The following SHROOM2 variants were observed in gnomAD, a reference collection of about 807,000 sequenced individuals.
SHROOM2 encodes shroom family member 2.
In SHROOM2, 33 loss-of-function variants were observed where a neutral mutation model predicts 75.9. The ratio of observed to expected loss-of-function variants is 0.43; its 90% CI spans 0.33 to 0.58. The LOEUF is 0.58. SHROOM2 is among the 20% of genes least tolerant of loss of function. The probability of loss-of-function intolerance (pLI) is 0.04; values close to 1 mark genes in which losing one functional copy is unlikely to be tolerated. For synonymous variants in SHROOM2, 655 were observed against 663.6 expected (o/e 0.99, Z 0.20); for missense variants, 1,434 against 1,461.2 (o/e 0.98, Z 0.30).
rs193017551 is a variant in SHROOM2, at chrX:9,918,676, G to A, written c.2892-13499G>A. Among the ~76,000 whole-genome samples, 44 of 110,538 alleles carry A rather than the reference G, an allele frequency of 4.0e-4. No individual in the cohort carries two copies. The East Asian group carries it at 0.012, about 30-fold the overall frequency. ...GGCTAATTTTGTTTGTTTTTGTAGA[G>A]ATGGAGTCTCATTATGTTGGCCAGG... is the stretch of plus-strand genomic sequence containing the variant. On this transcript the variant is annotated intron_variant, in intron 5 of 9. Coordinates refer to ENST00000380913, the MANE Select transcript of SHROOM2 (RefSeq NM_001649.4).
chrX:9,834,866 T>C (rs1236041611), intron 1 of SHROOM2, among the ~76,000 whole-genome samples: 2 of 111,168 alleles, frequency 1.8e-5, no homozygotes, highest in African/African-American at 6.5e-5. Context: ...CTGCAGGATC[T>C]GATTACTGGT....
At chrX:9,941,977 A>C (rs1396209845) in intron 8 of SHROOM2, among the ~76,000 whole-genome samples, 18 of 51,589 alleles carry the variant, frequency 3.5e-4, no homozygotes, top group Non-Finnish European at 4.9e-4. Flanking sequence ...GTCTCAAAAA[A>C]AAAAAAAAAA....
At chrX:9,908,442 A>C (rs749049088) in intron 5 of SHROOM2, among the ~76,000 whole-genome samples, 1 of 112,017 alleles carries the variant, frequency 8.9e-6, no homozygotes, top group East Asian at 2.8e-4. Context: ...GTTTTGTGTC[A>C]ATTAAAAGCA....
At chrX:9,798,135 G>GA (rs1307348209) in intron 1 of SHROOM2, among the ~76,000 whole-genome samples, 3 of 110,902 alleles carry the variant, frequency 2.7e-5, no homozygotes, top group Non-Finnish European at 5.7e-5. Context: ...GCTGAGGAAA[G>GA]ACCTTGTCTG....
intron 5 of SHROOM2, among the ~76,000 whole-genome samples, chrX:9,917,528 T>TGTC (rs760796370): frequency 9.1e-6 from 1 of 110,080 alleles, no homozygotes; most frequent in East Asian, 2.8e-4. Flanking sequence ...TTGTTGTTGT[T>TGTC]GTTGTTTTTT....
At chrX:9,907,249 C>T (rs190422072) in intron 5 of SHROOM2, among the ~76,000 whole-genome samples, 1 of 111,415 alleles carries the variant, frequency 9.0e-6, no homozygotes, top group East Asian at 2.8e-4. Flanking sequence ...TCAGCCCTGC[C>T]TCCTGTTTAC....
chrX:9,881,836 A>T (rs1229379544), intron 2 of SHROOM2, among the ~76,000 whole-genome samples: 5 of 111,672 alleles, frequency 4.5e-5, no homozygotes, highest in Non-Finnish European at 9.4e-5. Context: ...CTTTCCCTAA[A>T]CCTCGTATCT....
intron 1 of SHROOM2, among the ~76,000 whole-genome samples, chrX:9,805,256 T>C (rs1411992645): frequency 1.8e-5 from 2 of 110,812 alleles, no homozygotes; most frequent in African/African-American, 6.6e-5. Context: ...AAATAAAAAA[T>C]AAAAAAATAA....
chrX:9,800,427 G>A (rs758052236), intron 1 of SHROOM2, among the ~76,000 whole-genome samples: 2 of 110,506 alleles, frequency 1.8e-5, no homozygotes, highest in Admixed American at 9.7e-5. Context: ...TGCAACCTCC[G>A]CTTCCCAGGT....
Position 9,932,547 on chromosome X carries a change from C to T in SHROOM2, c.3264C>T (p.Gly1088=), listed in dbSNP as rs753929712. ...TDGAPADAPV[G]VLGRPFPTPS... ...GCGCACCTGCTGACGCCCCCGTGGGCGTCCTCGGCAGGCCCTTCCCAACGC... is the reference window on the plus strand; with the variant it reads ...GCGCACCTGCTGACGCCCCCGTGGGTGTCCTCGGCAGGCCCTTCCCAACGC... The change falls in exon 6 of 10, where the codon GGC becomes GGT. Residue 1088 remains glycine, a synonymous_variant. Coordinates refer to ENST00000380913, the MANE Select transcript of SHROOM2 (RefSeq NM_001649.4). The T allele has an allele frequency of 7.4e-6, 9 of 1,211,361 alleles. No individual in the cohort carries two copies. Among genetic ancestry groups the T allele is most frequent in the Non-Finnish European group, 8.9e-6 (8 of 895,291 alleles).
At chrX:9,921,189 C>T (rs1268202984) in intron 5 of SHROOM2, among the ~76,000 whole-genome samples, 1 of 111,655 alleles carries the variant, frequency 9.0e-6, no homozygotes, top group Non-Finnish European at 1.9e-5. Context: ...TGTTGGCTTC[C>T]CCGCTGTGAG....
intron 5 of SHROOM2, among the ~76,000 whole-genome samples, chrX:9,909,738 G>A (rs1464183308): frequency 8.9e-6 from 1 of 112,233 alleles, no homozygotes; most frequent in Non-Finnish European, 1.9e-5. Flanking sequence ...AACTATTAAG[G>A]TCATCAAAAA....
At chrX:9,898,438 G>A (rs1363463059) in intron 5 of SHROOM2, 148 bp downstream of exon 5, 2 of 475,056 alleles carry the variant, frequency 4.2e-6, no homozygotes, top group African/African-American at 4.9e-5. Context: ...TAGCATCCCT[G>A]ACGTACTGGA....
rs149000944 is a variant in SHROOM2 at position 9,932,195 on chromosome X, G to A, written c.2912G>A (p.Arg971Gln). The change falls in exon 6 of 10, where the codon CGG becomes CAG. Residue 971 changes from arginine (R) to glutamine (Q), a missense_variant. Physicochemically the swap from Arg to Gln is conservative, Grantham distance 43 (BLOSUM62 1). Coordinates refer to ENST00000380913, the MANE Select transcript of SHROOM2 (RefSeq NM_001649.4). ...TCTAGACAAGCAGATGCCCAGTGTCGGGAAGGCAGCCCAGGATCACAGCAG... is the reference window on the plus strand; with the variant it reads ...TCTAGACAAGCAGATGCCCAGTGTCAGGAAGGCAGCCCAGGATCACAGCAG... ...STPRQADAQC[R>Q]EGSPGSQQHP... 2.3e-5 allele frequency: 26 copies of A among 1,131,041 alleles called. No homozygotes were observed. Among genetic ancestry groups the A allele is most frequent in the East Asian group, 1.6e-4 (5 of 32,195 alleles). 93.2% of individuals were successfully genotyped at this position (1,131,041 alleles called of 1,213,427 possible).
chrX:9,851,256 G>T (rs2084037820), intron 1 of SHROOM2, among the ~76,000 whole-genome samples: 1 of 110,867 alleles, frequency 9.0e-6, no homozygotes, highest in African/African-American at 3.3e-5. Context: ...CAGTCCTCCT[G>T]CCTTGGCTTC....
intron 1 of SHROOM2, among the ~76,000 whole-genome samples, chrX:9,821,607 T>C (rs1376181401): frequency 8.9e-6 from 1 of 112,323 alleles, no homozygotes; most frequent in Non-Finnish European, 1.9e-5. Flanking sequence ...TTGTAATAAA[T>C]ATTGCACCCC....
chrX:9,946,272 C>T (rs1326051440), intron 9 of SHROOM2, among the ~76,000 whole-genome samples: 1 of 113,263 alleles, frequency 8.8e-6, no homozygotes, highest in East Asian at 2.8e-4. Context: ...AGCTGTCCCA[C>T]GGTGTTCCCA....
Position 9,896,218 on chromosome X carries a change from C to T in SHROOM2, c.2310C>T (p.Asn770=), listed in dbSNP as rs772682957. The T allele has an allele frequency of 2.7e-5, 33 of 1,210,520 alleles. No individual in the cohort carries two copies. Among genetic ancestry groups the T allele is most frequent in the Non-Finnish European group, 3.2e-5 (29 of 895,308 alleles). The change falls in exon 4 of 10, where the codon AAC becomes AAT. Residue 770 remains asparagine (N), a synonymous_variant. Transcript: ENST00000380913. ...LKSYSEPEKM[N]EVGLTRGYSP... ...CCTACTCGGAACCTGAGAAGATGAA[C>T]GAGGTGGGCCTCACGAGGGGCTACA...
intron 1 of SHROOM2, among the ~76,000 whole-genome samples, chrX:9,838,673 CA>C (rs986758635): frequency 8.9e-6 from 1 of 111,779 alleles, no homozygotes; most frequent in Non-Finnish European, 1.9e-5. Flanking sequence ...AAGCAAGAAA[CA>C]AAAAGCCTTA....
Sources: gnomAD v4.1 joint callset for allele counts (sites outside exome capture counted in the v4.1 genomes callset) on GRCh38, gnomAD v4.1.1 for gene constraint, MANE v1.5 for transcripts, NCBI Gene and HGNC (gene_info 2026-07-23, HGNC 2026-07-21) for gene names.